The following CREB5 variants were observed in gnomAD, a reference collection of about 807,000 sequenced individuals.
CREB5 encodes cAMP responsive element binding protein 5, also known as cyclic AMP-responsive element-binding protein 5.
CREB5 carries 19 observed loss-of-function variants against 57.1 expected under a neutral mutation model. That is an observed-to-expected ratio of 0.33 (90% CI 0.23 to 0.49). CREB5 has a LOEUF of 0.49. CREB5 is among the 20% of genes least tolerant of loss of function. CREB5 has a pLI of 0.99. For missense variants in CREB5, 579 were observed against 671.6 expected (o/e 0.86, Z 1.52); for synonymous variants, 238 against 238.3 (o/e 1.00, Z 0.01).
intron 4 of CREB5, among the ~76,000 whole-genome samples, chr7:28,560,753 A>G (rs1795052994): frequency 6.6e-6 from 1 of 151,714 alleles, no homozygotes; most frequent in African/African-American, 2.4e-5. Flanking sequence ...CCTTCAGAAC[A>G]TGGTATAATT....
chr7:28,551,646 A>T (rs1009989654), intron 4 of CREB5, among the ~76,000 whole-genome samples: 9 of 152,190 alleles, frequency 5.9e-5, no homozygotes, highest in African/African-American at 2.2e-4. Context: ...GGTGGAAAAA[A>T]GAAAGCTCTG....
chr7:28,318,604 C>T (rs113156341), intron 1 of CREB5, among the ~76,000 whole-genome samples: 488 of 152,280 alleles, frequency 3.2e-3, no homozygotes, highest in South Asian at 0.01. Flanking sequence ...CTCAGGGTTG[C>T]CTGAGACAGG....
rs117853480 is a variant in CREB5 at position 28,647,495 on chromosome 7, G to A, written c.465-71258G>A. Reference sequence around the variant, plus strand: ...CTGGTCCTAAACATGGGAGATAGAAGGCTTGCAGTAAACAAACAAAAAATC... The same window carrying A: ...CTGGTCCTAAACATGGGAGATAGAAAGCTTGCAGTAAACAAACAAAAAATC... On this transcript the variant is annotated intron_variant, in intron 5 of 10. Coordinates refer to ENST00000357727, the MANE Select transcript of CREB5 (RefSeq NM_182898.4). 9.5e-3 allele frequency among the ~76,000 whole-genome samples: 1,442 copies of A among 152,166 alleles called. 51 individuals are homozygous for A. The East Asian group carries it at 0.14, about 15-fold the overall frequency.
Position 28,304,814 on chromosome 7 carries a change from G to C in CREB5, c.-25+5373G>C, listed in dbSNP as rs530376257. On this transcript the variant is annotated intron_variant, in intron 1 of 9. Coordinates refer to the CREB5 transcript ENST00000396299. ...TAGACTATTAAGTGGGAAAAAGCAG[G>C]CTGTAGGACAGAAAATAGTGTATGG... Among the ~76,000 whole-genome samples the C allele has an allele frequency of 1.2e-4, 19 of 152,258 alleles. No homozygotes were observed. In the East Asian group the frequency reaches 3.7e-3, roughly 29 times the overall value.
At chr7:28,359,570 C>A (rs1012656400) in intron 1 of CREB5, among the ~76,000 whole-genome samples, 26 of 152,188 alleles carry the variant, frequency 1.7e-4, no homozygotes, top group African/African-American at 6.0e-4. Flanking sequence ...AACATCAGCT[C>A]ATGATCATTT....
At chr7:28,442,086 C>G (rs1306191235) in intron 1 of CREB5, among the ~76,000 whole-genome samples, 2 of 152,154 alleles carry the variant, frequency 1.3e-5, no homozygotes, top group East Asian at 3.8e-4. Context: ...ACTGTCCTCT[C>G]CTCATCCCCT....
At chr7:28,453,320 T>A (rs1288647101) in intron 1 of CREB5, among the ~76,000 whole-genome samples, 1 of 152,060 alleles carries the variant, frequency 6.6e-6, no homozygotes, top group African/African-American at 2.4e-5. Flanking sequence ...ACGCCTGTAG[T>A]CCTGGCTACT....
chr7:28,774,198 A>C (rs1806496659), intron 7 of CREB5, among the ~76,000 whole-genome samples: 1 of 152,190 alleles, frequency 6.6e-6, no homozygotes, highest in African/African-American at 2.4e-5. Context: ...TCTATCAATA[A>C]GTTGCTTTCA....
At chr7:28,760,051 A>T (rs1392059146) in intron 7 of CREB5, among the ~76,000 whole-genome samples, 1 of 152,208 alleles carries the variant, frequency 6.6e-6, no homozygotes, top group Non-Finnish European at 1.5e-5. Flanking sequence ...ATGTGCTTTT[A>T]AAGGTAGACG....
chr7:28,766,866 G>A (rs1449790965), intron 7 of CREB5, among the ~76,000 whole-genome samples: 2 of 152,224 alleles, frequency 1.3e-5, no homozygotes. Context: ...TCATCAAAGA[G>A]AGGTTCTATG....
intron 9 of CREB5, among the ~76,000 whole-genome samples, chr7:28,811,136 C>T (rs567717666): frequency 1.1e-3 from 170 of 152,270 alleles, no homozygotes; most frequent in African/African-American, 3.9e-3. Context: ...CACTCAGTAA[C>T]TTATTTGTTG....
intron 7 of CREB5, among the ~76,000 whole-genome samples, chr7:28,792,304 A>C (rs989865836): frequency 6.6e-6 from 1 of 151,622 alleles, no homozygotes; most frequent in Non-Finnish European, 1.5e-5. Flanking sequence ...ACTCTGTCTC[A>C]AAAAAAAATT....
chr7:28,564,415 G>C lies in CREB5; in HGVS notation c.292-5950G>C, dbSNP rs184667603. ...TTCATTACCACACCCTGAAATTATA[G>C]TTATTTTTAAAAACACGGATGTATG... On this transcript the variant is annotated intron_variant, in intron 4 of 10. Coordinates refer to ENST00000357727, the MANE Select transcript of CREB5 (RefSeq NM_182898.4). Among the ~76,000 whole-genome samples the C allele has an allele frequency of 1.2e-3, 184 of 152,204 alleles. 1 individual carries two copies. The highest frequency in any genetic ancestry group is 4.3e-3 in the African/African-American group (177 of 41,528).
chr7:28,367,899 T>G (rs891743256), intron 1 of CREB5, among the ~76,000 whole-genome samples: 1 of 152,150 alleles, frequency 6.6e-6, no homozygotes, highest in Non-Finnish European at 1.5e-5. Context: ...CTTCGTCACC[T>G]TCCCTGCTCC....
intron 1 of CREB5, among the ~76,000 whole-genome samples, chr7:28,452,626 C>T (rs1468052715): frequency 6.6e-6 from 1 of 152,134 alleles, no homozygotes; most frequent in Non-Finnish European, 1.5e-5. Flanking sequence ...CCTAGACCTG[C>T]AGGAGCAGGG....
In CREB5 at chr7:28,819,174, C is replaced by T; in HGVS notation, c.1422C>T (p.Ile474=). 11 of 1,613,770 alleles carry T rather than the reference C, an allele frequency of 6.8e-6. No individual in the cohort carries two copies. The highest frequency in any genetic ancestry group is 8.5e-6 in the Non-Finnish European group (10 of 1,179,802). ...PVPACSQQQV[I]QHNTITTSSS... is the part of the protein sequence containing the mutation. ...CAGCTTGCTCCCAGCAACAAGTCAT[C>T]CAGCATAATACCATCACTACTTCCT... Residue 474 remains isoleucine (I), a synonymous_variant, in exon 11 of 11, where the codon ATC becomes ATT. Coordinates refer to ENST00000357727, the MANE Select transcript of CREB5 (RefSeq NM_182898.4).
At chr7:28,605,959 G>A (rs901791647) in intron 5 of CREB5, among the ~76,000 whole-genome samples, 11 of 152,108 alleles carry the variant, frequency 7.2e-5, no homozygotes, top group African/African-American at 1.4e-4. Context: ...TTTCATGGGC[G>A]TATACGTTTG....
At chr7:28,331,169 C>T (rs1416931169) in intron 1 of CREB5, among the ~76,000 whole-genome samples, 1 of 152,054 alleles carries the variant, frequency 6.6e-6, no homozygotes, top group African/African-American at 2.4e-5. Context: ...AGTTCTAGTT[C>T]AGTATTCCTC....
chr7:28,818,226 G>A, intron 10 of CREB5, 47 bp downstream of exon 10: 2 of 1,400,350 alleles, frequency 1.4e-6, no homozygotes, highest in Non-Finnish European at 2.0e-6. Context: ...AATATTTTTT[G>A]CCACTAAGTT....
Sources: gnomAD v4.1 joint callset for allele counts (sites outside exome capture counted in the v4.1 genomes callset) on GRCh38, gnomAD v4.1.1 for gene constraint, MANE v1.5 for transcripts, NCBI Gene and HGNC (gene_info 2026-07-23, HGNC 2026-07-21) for gene names.